Variants in POU6F2 observed in about 807,000 individuals in gnomAD.
The protein encoded by POU6F2 is POU class 6 homeobox 2, also known as POU domain, class 6, transcription factor 2.
Under a neutral mutation model 71.3 loss-of-function variants are expected in POU6F2, and 31 were observed. That is an observed-to-expected ratio of 0.43 (90% CI 0.33 to 0.59). The LOEUF (loss-of-function observed/expected upper bound fraction) is 0.59. POU6F2 is among the 20% of genes least tolerant of loss of function. The pLI, the probability that POU6F2 is intolerant of heterozygous loss-of-function variation, is 0.04. For synonymous variants in POU6F2, 347 were observed against 355.7 expected, an observed-to-expected ratio of 0.98 and a Z score of 0.27; for missense variants, 783 against 856.8, an observed-to-expected ratio of 0.91 and a Z score of 1.07.
chr7:39,055,737 G>A (rs1790493609), intron 1 of POU6F2, among the ~76,000 whole-genome samples: 1 of 151,962 alleles, frequency 6.6e-6, no homozygotes, highest in Non-Finnish European at 1.5e-5. Flanking sequence ...AGAAAATACT[G>A]AAACTGAAAA....
intron 5 of POU6F2, among the ~76,000 whole-genome samples, chr7:39,396,211 C>T (rs988270596): frequency 2.6e-5 from 4 of 152,154 alleles, no homozygotes; most frequent in African/African-American, 9.7e-5. Flanking sequence ...TAATGCTGAC[C>T]TCTCTACTTC....
intron 1 of POU6F2, among the ~76,000 whole-genome samples, chr7:39,024,114 A>G (rs368131635): frequency 1.3e-5 from 2 of 152,056 alleles, no homozygotes; most frequent in East Asian, 1.9e-4. Context: ...CATTTCCACG[A>G]TATTGATTCT....
At chr7:39,112,373 C>T (rs936155854) in intron 2 of POU6F2, among the ~76,000 whole-genome samples, 4 of 152,112 alleles carry the variant, frequency 2.6e-5, no homozygotes, top group Non-Finnish European at 5.9e-5. Context: ...CTGGAAATAG[C>T]ACATAGCACA....
chr7:39,287,641 A>G (rs980999512), intron 4 of POU6F2, among the ~76,000 whole-genome samples: 3 of 152,100 alleles, frequency 2.0e-5, no homozygotes, highest in Non-Finnish European at 4.4e-5. Context: ...ATTCCAGGAG[A>G]CACACACAGA....
At chr7:39,367,531 A>G (rs1324979108) in intron 5 of POU6F2, among the ~76,000 whole-genome samples, 1 of 152,210 alleles carries the variant, frequency 6.6e-6, no homozygotes, top group Admixed American at 6.5e-5. Context: ...AAATCTTTTA[A>G]AAGCATTTTG....
intron 2 of POU6F2, among the ~76,000 whole-genome samples, chr7:39,126,005 A>T (rs1353894710): frequency 2.0e-5 from 3 of 152,202 alleles, no homozygotes; most frequent in African/African-American, 7.2e-5. Context: ...GCAGCTAATG[A>T]CTGAAATGGG....
At chr7:39,422,436 T>C (rs1174067135) in intron 6 of POU6F2, among the ~76,000 whole-genome samples, 1 of 152,220 alleles carries the variant, frequency 6.6e-6, no homozygotes, top group African/African-American at 2.4e-5. Flanking sequence ...ATATCTCATG[T>C]GCCCTTGTTA....
chr7:39,133,897 G>A (rs1020216485), intron 2 of POU6F2, among the ~76,000 whole-genome samples: 1 of 151,782 alleles, frequency 6.6e-6, no homozygotes, highest in Non-Finnish European at 1.5e-5. Flanking sequence ...TGTTTTTTTA[G>A]ACCGTCTCGC....
Position 39,412,778 on chromosome 7 carries a change from CTTTTTTTTTTTTTTTTTTTTTT to C in POU6F2, c.1113+6058_1113+6079del, listed in dbSNP as rs1166811956. 1.6e-3 allele frequency among the ~76,000 whole-genome samples: 38 copies of C among 23,194 alleles called. No homozygotes were observed. The South Asian group carries it at 0.019, about 12-fold the overall frequency. The allele number at this position is 23,194 out of a possible 152,430, so 15.2% of individuals were successfully genotyped here. On this transcript the variant is annotated intron_variant, in intron 6 of 9. Coordinates refer to ENST00000518318, the MANE Select transcript of POU6F2 (RefSeq NM_001370959.1). The stretch of plus-strand genomic sequence containing the variant: ...TCCGTATTAGCTTCAGTTTTCTTGC[CTTTTTTTTTTTTTTTTTTTTTT>C]TTTTTTTTTTTTTTTTTTTGAGACG...
chr7:39,232,660 T>A (rs1198161639), intron 4 of POU6F2, among the ~76,000 whole-genome samples: 2 of 152,236 alleles, frequency 1.3e-5, no homozygotes, highest in East Asian at 3.8e-4. Context: ...TGTTGGTAGG[T>A]TTCCTTTAAC....
chr7:39,202,217 A>G (rs62443961), intron 2 of POU6F2, among the ~76,000 whole-genome samples: 16,586 of 152,270 alleles, frequency 0.11, 970 homozygotes, highest in Middle Eastern at 0.14. Context: ...TGCCTGTGTG[A>G]GACCAATCCT....
intron 2 of POU6F2, among the ~76,000 whole-genome samples, chr7:39,150,495 C>G (rs1343392836): frequency 8.2e-6 from 1 of 121,964 alleles, no homozygotes; most frequent in African/African-American, 3.1e-5. Flanking sequence ...GAGACAGAGT[C>G]TCACTCTGTT....
chr7:39,209,872 T>C (rs1240459601), intron 4 of POU6F2, among the ~76,000 whole-genome samples: 1 of 152,130 alleles, frequency 6.6e-6, no homozygotes, highest in South Asian at 2.1e-4. Context: ...TGAAAGGTCA[T>C]CTGCAGGGGT....
intron 8 of POU6F2, among the ~76,000 whole-genome samples, chr7:39,458,197 G>GGAGCAGGTTGGAGGCTGGGTGGTGT: frequency 6.6e-6 from 1 of 152,116 alleles, no homozygotes; most frequent in Non-Finnish European, 1.5e-5. Flanking sequence ...GGCTGAGCAG[G>GGAGCAGGTTGGAGGCTGGGTGGTGT]GAGCAGGTTG....
intron 4 of POU6F2, among the ~76,000 whole-genome samples, chr7:39,263,651 A>G (rs73382904): frequency 0.022 from 2,914 of 133,710 alleles, 83 homozygotes; most frequent in African/African-American, 0.068. Flanking sequence ...ATGTGTGTGC[A>G]TGCGTGTTCA....
chr7:39,098,055 G>A (rs1791489908), intron 2 of POU6F2, among the ~76,000 whole-genome samples: 1 of 152,130 alleles, frequency 6.6e-6, no homozygotes, highest in South Asian at 2.1e-4. Context: ...ATATGCCGTG[G>A]AACACAATTG....
intron 5 of POU6F2, among the ~76,000 whole-genome samples, chr7:39,354,674 A>G (rs546340051): frequency 6.6e-6 from 1 of 152,182 alleles, no homozygotes; most frequent in African/African-American, 2.4e-5. Flanking sequence ...TTATCTCCCC[A>G]TTAGAGATTC....
intron 4 of POU6F2, among the ~76,000 whole-genome samples, chr7:39,242,181 G>A (rs2128751457): frequency 6.6e-6 from 1 of 152,184 alleles, no homozygotes; most frequent in African/African-American, 2.4e-5. Flanking sequence ...TTTGCATATA[G>A]GTTTTTCTGT....
chr7:39,178,669 A>G (rs1562735249), intron 2 of POU6F2, among the ~76,000 whole-genome samples: 1 of 152,184 alleles, frequency 6.6e-6, no homozygotes, highest in East Asian at 1.9e-4. Context: ...CTATGAACCA[A>G]GAGAATCATA....
Sources: allele counts gnomAD v4.1 joint callset (sites outside exome capture counted in the v4.1 genomes callset), GRCh38; gene constraint gnomAD v4.1.1; transcripts MANE v1.5; gene names NCBI Gene and HGNC (gene_info 2026-07-23, HGNC 2026-07-21).